CCSER1: variants seen among roughly 807,000 people sequenced by gnomAD.
The protein encoded by CCSER1 is coiled-coil serine rich protein 1.
CCSER1 carries 41 observed loss-of-function variants against 82.0 expected under a neutral mutation model. The observed-to-expected ratio is 0.50, with a 90% confidence interval of 0.39 to 0.65. The LOEUF is 0.65. Ranked by LOEUF, CCSER1 falls within the 30% of genes least tolerant of loss-of-function variation. The pLI, the probability that CCSER1 is intolerant of heterozygous loss-of-function variation, is 0.00. For synonymous variants in CCSER1, 414 were observed against 383.9 expected, an observed-to-expected ratio of 1.08 and a Z score of -0.92; for missense variants, 1,119 against 1,064.2, an observed-to-expected ratio of 1.05 and a Z score of -0.72.
chr4:91,220,559 G>A (rs1737648310), intron 10 of CCSER1, among the ~76,000 whole-genome samples: 1 of 152,134 alleles, frequency 6.6e-6, no homozygotes, highest in Non-Finnish European at 1.5e-5. Context: ...AAGTGATATG[G>A]GTTAAAGGGA....
chr4:90,797,944 A>G (rs766913404), intron 7 of CCSER1, among the ~76,000 whole-genome samples: 2 of 152,114 alleles, frequency 1.3e-5, no homozygotes, highest in African/African-American at 4.8e-5. Context: ...TCTGAAGATT[A>G]TGTCTGTTGG....
At chr4:90,916,671 A>C (rs1342396831) in intron 8 of CCSER1, among the ~76,000 whole-genome samples, 1 of 152,238 alleles carries the variant, frequency 6.6e-6, no homozygotes, top group South Asian at 2.1e-4. Flanking sequence ...ATGGGATCTA[A>C]TTAAACTAAA....
chr4:90,852,358 G>A (rs1381042548), intron 8 of CCSER1, among the ~76,000 whole-genome samples: 2 of 152,168 alleles, frequency 1.3e-5, no homozygotes, highest in African/African-American at 4.8e-5. Context: ...GTTGAGGAAT[G>A]GTGTTTATGT....
At chr4:90,402,849 A>G (rs1468873330) in intron 4 of CCSER1, among the ~76,000 whole-genome samples, 1 of 152,234 alleles carries the variant, frequency 6.6e-6, no homozygotes, top group Non-Finnish European at 1.5e-5. Context: ...AATAAAAATG[A>G]AATAATTTTT....
At chr4:90,480,405 G>C (rs191211435) in intron 5 of CCSER1, among the ~76,000 whole-genome samples, 1 of 152,038 alleles carries the variant, frequency 6.6e-6, no homozygotes, top group African/African-American at 2.4e-5. Context: ...GTCACTTTTG[G>C]CTTTTGTTTC....
intron 4 of CCSER1, among the ~76,000 whole-genome samples, chr4:90,427,474 TA>T (rs1757684342): frequency 6.6e-6 from 1 of 151,222 alleles, no homozygotes; most frequent in African/African-American, 2.4e-5. Context: ...TAAAAATTAG[TA>T]AAAGCTTTGT....
intron 10 of CCSER1, among the ~76,000 whole-genome samples, chr4:91,525,494 G>A (rs1760724274): frequency 6.6e-6 from 1 of 152,148 alleles, no homozygotes; most frequent in Non-Finnish European, 1.5e-5. Context: ...AAAGGAAATT[G>A]TAATCCACTG....
chr4:91,542,602 T>C (rs1761663080), intron 10 of CCSER1, among the ~76,000 whole-genome samples: 1 of 152,168 alleles, frequency 6.6e-6, no homozygotes, highest in Non-Finnish European at 1.5e-5. Context: ...TTCCGTATAG[T>C]TGAGTGGTTT....
chr4:90,850,550 C>A (rs1763753978), intron 8 of CCSER1, among the ~76,000 whole-genome samples: 2 of 152,220 alleles, frequency 1.3e-5, no homozygotes, highest in African/African-American at 4.8e-5. Context: ...CAAAAGAGAT[C>A]ATTTTGGAAC....
At chr4:90,363,985 A>ATT (rs1053956151) in intron 3 of CCSER1, among the ~76,000 whole-genome samples, 1 of 152,152 alleles carries the variant, frequency 6.6e-6, no homozygotes, top group Non-Finnish European at 1.5e-5. Flanking sequence ...GAAAATGAGC[A>ATT]TTTTTTTATG....
intron 10 of CCSER1, among the ~76,000 whole-genome samples, chr4:91,370,935 C>G (rs551102764): frequency 1.3e-5 from 2 of 151,976 alleles, no homozygotes; most frequent in Non-Finnish European, 2.9e-5. Context: ...GATCTTGGCT[C>G]ACTGCAACCT....
intron 10 of CCSER1, among the ~76,000 whole-genome samples, chr4:91,275,289 C>A (rs529494265): frequency 1.3e-5 from 2 of 150,616 alleles, no homozygotes; most frequent in Admixed American, 1.3e-4. Flanking sequence ...GCATCCTTGC[C>A]AGCATCTGTT....
At chr4:91,302,955 A>C (rs919811938) in intron 10 of CCSER1, among the ~76,000 whole-genome samples, 2 of 152,068 alleles carry the variant, frequency 1.3e-5, no homozygotes, top group African/African-American at 4.8e-5. Context: ...AATGACAACA[A>C]GGACTTTTTC....
At chr4:90,872,796 C>T (rs186356370) in intron 8 of CCSER1, among the ~76,000 whole-genome samples, 184 of 151,938 alleles carry the variant, frequency 1.2e-3, no homozygotes, top group African/African-American at 4.1e-3. Context: ...TATTGTAGAA[C>T]GTGTCTAGTG....
At chr4:91,581,797 G>A (rs1219940111) in intron 10 of CCSER1, among the ~76,000 whole-genome samples, 1 of 151,372 alleles carries the variant, frequency 6.6e-6, no homozygotes. Context: ...TGTTGTGAGG[G>A]CCTACCTTAT....
intron 10 of CCSER1, among the ~76,000 whole-genome samples, chr4:91,571,918 C>T (rs1340876955): frequency 2.0e-5 from 3 of 152,130 alleles, no homozygotes; most frequent in Non-Finnish European, 4.4e-5. Context: ...CTTGGGTCTA[C>T]TGCAACTTGT....
intron 3 of CCSER1, among the ~76,000 whole-genome samples, chr4:90,362,070 C>T (rs753883454): frequency 5.3e-5 from 8 of 152,102 alleles, no homozygotes; most frequent in Non-Finnish European, 1.0e-4. Context: ...CTTGTGTTAC[C>T]TTAATGAAAA....
intron 3 of CCSER1, among the ~76,000 whole-genome samples, chr4:90,367,754 C>T (rs1206809480): frequency 6.6e-6 from 1 of 151,572 alleles, no homozygotes; most frequent in Non-Finnish European, 1.5e-5. Context: ...TTCCAGAAAA[C>T]AGTCCGGTTG....
At chr4:91,002,184 T>A (rs943418911) in intron 9 of CCSER1, among the ~76,000 whole-genome samples, 1 of 152,236 alleles carries the variant, frequency 6.6e-6, no homozygotes, top group Non-Finnish European at 1.5e-5. Context: ...GCTCTCAATA[T>A]TCTTTCCTTC....
Sources: gnomAD v4.1 joint callset for allele counts (sites outside exome capture counted in the v4.1 genomes callset) on GRCh38, gnomAD v4.1.1 for gene constraint, MANE v1.5 for transcripts, NCBI Gene and HGNC (gene_info 2026-07-23, HGNC 2026-07-21) for gene names.